The following ANAPC15 variants were observed in gnomAD, a reference collection of about 807,000 sequenced individuals.
The protein encoded by ANAPC15 is anaphase promoting complex subunit 15.
In ANAPC15, 13 loss-of-function variants were observed where a neutral mutation model predicts 19.8. The observed-to-expected ratio is 0.66, with a 90% confidence interval of 0.43 to 1.04. The LOEUF (loss-of-function observed/expected upper bound fraction) is 1.04. ANAPC15 is among the 50% of genes least tolerant of loss of function. The pLI is 0.00. For synonymous variants in ANAPC15, 45 were observed against 50.7 expected (o/e 0.89, Z 0.47); for missense variants, 88 against 150.3 (o/e 0.59, Z 2.17).
In ANAPC15 at chr11:72,112,625, GTTGCAGCC is replaced by G. The variant is rs1449517801; in HGVS notation, c.-96+17_-96+24del. Reference sequence around the variant, plus strand: ...AAAGGAATGAAGGGGCAAGGAGACGGTTGCAGCCTTGCGTCTGTACTTACCGCGCCGGG... The same window carrying G: ...AAAGGAATGAAGGGGCAAGGAGACGGTTGCGTCTGTACTTACCGCGCCGGG... On this transcript the variant is annotated intron_variant, in intron 1 of 5. Transcript: ENST00000227618. 2.2e-6 allele frequency: 1 copy of G among 455,302 alleles called. No homozygotes were observed. The highest frequency in any genetic ancestry group is 4.4e-6 in the Non-Finnish European group (1 of 226,604). 28.2% of individuals were successfully genotyped at this position (455,302 alleles called of 1,614,324 possible).
intron 3 of ANAPC15, 103 bp from the exon 4 acceptor site, chr11:72,110,706 G>A (rs1946587532): frequency 1.6e-6 from 2 of 1,268,394 alleles, no homozygotes; most frequent in Non-Finnish European, 2.2e-6. Context: ...CACGTGTTGG[G>A]GAGAAGCTTC....
At position 72,109,849 on chromosome 11, in the gene ANAPC15, G is replaced by C. The variant is rs1365187184; in HGVS notation, c.*32C>G. 6.2e-7 allele frequency: 1 copy of C among 1,612,126 alleles called. No homozygotes were observed. Among genetic ancestry groups the C allele is most frequent in the Non-Finnish European group, 8.5e-7 (1 of 1,179,706 alleles). ...ATGCAGGGTAGTTTGGGCTGGCCTG[G>C]AATCTCCCTGAGGCCACCCTGCCTT... On this transcript the variant is annotated 3_prime_UTR_variant, in exon 6 of 6. Coordinates refer to ENST00000227618, the MANE Select transcript of ANAPC15 (RefSeq NM_014042.3).
chr11:72,108,766 C>T (rs1334471592), downstream of ANAPC15: 5 of 1,550,298 alleles, frequency 3.2e-6, no homozygotes, highest in African/African-American at 2.7e-5. Flanking sequence ...CAGGTGCCAC[C>T]GTGCTGGCTG....
At chr11:72,110,253 C>T (rs778349482) in intron 4 of ANAPC15, 28 bp from the exon 5 acceptor site, 28 of 1,611,412 alleles carry the variant, frequency 1.7e-5, no homozygotes, top group Non-Finnish European at 2.3e-5. Context: ...GCCTGTAAGC[C>T]CTACAGGCCT....
downstream of ANAPC15, chr11:72,107,430 A>T: frequency 1.4e-6 from 1 of 702,604 alleles, no homozygotes; most frequent in South Asian, 1.5e-5. Flanking sequence ...GCAACATTTG[A>T]ACTGAATCTG....
In ANAPC15 at chr11:72,110,288, C is replaced by A. The variant is rs759367241; in HGVS notation, c.181-63G>T. 4.2e-4 allele frequency: 681 copies of A among 1,605,352 alleles called. 1 individual carries two copies. Among genetic ancestry groups the A allele is most frequent in the Middle Eastern group, 6.6e-4 (4 of 6,050 alleles). On this transcript the variant is annotated intron_variant, in intron 4 of 5. Transcript: ENST00000227618. ...TGCATGGACCAGTTCAAGAACTGACCCACTTGAGCCTCTCTCTAGGGCCAA... is the reference window on the plus strand; with the variant it reads ...TGCATGGACCAGTTCAAGAACTGACACACTTGAGCCTCTCTCTAGGGCCAA...
chr11:72,112,447 G>A (rs1478580465), intron 1 of ANAPC15: 8 of 275,608 alleles, frequency 2.9e-5, no homozygotes, highest in Non-Finnish European at 5.3e-5. Context: ...TGGGTGACAG[G>A]AAGTGACACC....
At position 72,109,880 on chromosome 11, in the gene ANAPC15, C is replaced by T. The variant is rs1189110159; in HGVS notation, c.*1G>A. The T allele has an allele frequency of 6.2e-7, 1 of 1,613,684 alleles. No homozygotes were observed. The highest frequency in any genetic ancestry group is 1.7e-5 in the Admixed American group (1 of 60,028). On this transcript the variant is annotated 3_prime_UTR_variant, in exon 6 of 6. Coordinates refer to ENST00000227618, the MANE Select transcript of ANAPC15 (RefSeq NM_014042.3). ...CCCTGAGGCCACCCTGCCTTGTCTA[C>T]CTAGATCATCCACTGGTCCTGATCC...
At chr11:72,108,161 G>C (rs566064204), downstream of ANAPC15, 9 of 1,449,226 alleles carry the variant, frequency 6.2e-6, no homozygotes, top group Non-Finnish European at 7.3e-6. Context: ...TGTCACCCCA[G>C]GCCTTGCCCC....
chr11:72,107,880 A>G, downstream of ANAPC15: 5 of 1,548,716 alleles, frequency 3.2e-6, no homozygotes, highest in Non-Finnish European at 4.4e-6. Context: ...GGGGCCCTGC[A>G]TCCATCTCCC....
At position 72,110,228 on chromosome 11, in the gene ANAPC15, G is replaced by A. The variant is rs1946349245; in HGVS notation, c.181-3C>T. 3 of 1,613,298 alleles carry A rather than the reference G, an allele frequency of 1.9e-6. No individual in the cohort carries two copies. Among genetic ancestry groups the A allele is most frequent in the Non-Finnish European group, 2.5e-6 (3 of 1,180,006 alleles). On this transcript the variant is annotated splice_polypyrimidine_tract_variant and splice_region_variant and intron_variant, in intron 4 of 5. Coordinates refer to ENST00000227618, the MANE Select transcript of ANAPC15 (RefSeq NM_014042.3). Reference sequence around the variant, plus strand: ...TCTTCTTCCTCGTCATCATAGTGCTGGTGGGCAGGACAGAGCCTGTAAGCC... The same window carrying A: ...TCTTCTTCCTCGTCATCATAGTGCTAGTGGGCAGGACAGAGCCTGTAAGCC...
chr11:72,110,812 T>C (rs1024230325), intron 3 of ANAPC15: 2 of 598,618 alleles, frequency 3.3e-6, no homozygotes, highest in Non-Finnish European at 5.9e-6. Flanking sequence ...CTTTTTTTTG[T>C]ATAATTATGG....
chr11:72,108,187 A>T, downstream of ANAPC15: 1 of 1,362,466 alleles, frequency 7.3e-7, no homozygotes, highest in Non-Finnish European at 9.8e-7. Context: ...ATCCCTTGTG[A>T]AGGACTCCCA....
downstream of ANAPC15, chr11:72,106,386 A>G: frequency 1.5e-6 from 1 of 645,850 alleles, no homozygotes; most frequent in South Asian, 3.4e-5. Context: ...TTCAGCAAAC[A>G]TTTATTGCCA....
At position 72,111,139 on chromosome 11, in the gene ANAPC15, T is replaced by A; in HGVS notation, c.120+18A>T. 6 of 1,372,024 alleles carry A rather than the reference T, an allele frequency of 4.4e-6. No individual in the cohort carries two copies. Among genetic ancestry groups the A allele is most frequent in the Middle Eastern group, 2.1e-4 (1 of 4,862 alleles). 85.0% of individuals were successfully genotyped at this position (1,372,024 alleles called of 1,614,324 possible). ...TGTCTGTGCTGAGGTCTCTGTGCTG[T>A]GCTAGCTGCTCACTCACCCAGGCCT... On this transcript the variant is annotated intron_variant, in intron 3 of 5. Coordinates refer to ENST00000227618, the MANE Select transcript of ANAPC15 (RefSeq NM_014042.3).
intron 3 of ANAPC15, 103 bp downstream of exon 3, chr11:72,111,054 A>G: frequency 1.2e-6 from 1 of 836,272 alleles, no homozygotes. Flanking sequence ...CAGGGCAAAA[A>G]GCTCTTCCTG....
rs749197566 is a variant in ANAPC15 at position 72,110,558 on chromosome 11, T to C, written c.166A>G (p.Lys56Glu). The change falls in exon 4 of 6, where the codon AAG becomes GAG. Residue 56 changes from lysine (K) to glutamate (E), a missense_variant. Lys to Glu is a moderately conservative substitution (Grantham distance 56). Coordinates refer to ENST00000227618, the MANE Select transcript of ANAPC15 (RefSeq NM_014042.3). The part of the protein sequence containing the change: ...EKDNNLVPIG[K>E]PASEHYDDEE... ...GAGCCACTCACCTCTGAGGCTGGCT[T>C]GCCAATAGGAACCAGGTTGTTGTCT... 1.1e-5 allele frequency: 17 copies of C among 1,614,216 alleles called. No individual in the cohort carries two copies. Among genetic ancestry groups the C allele is most frequent in the Non-Finnish European group, 1.4e-5 (16 of 1,180,040 alleles).
downstream of ANAPC15, chr11:72,107,563 G>A: frequency 1.4e-6 from 1 of 702,274 alleles, no homozygotes; most frequent in Non-Finnish European, 2.6e-6. Context: ...TGTTTGGGAT[G>A]GCTGTGATAC....
At position 72,111,156 on chromosome 11, in the gene ANAPC15, C is replaced by G; in HGVS notation, c.120+1G>C. ...CTGTGCTGTGCTAGCTGCTCACTCA[C>G]CCAGGCCTGATGCTGCTGTTCCTGC... On this transcript the variant is annotated splice_donor_variant, in intron 3 of 5. Transcript: ENST00000227618. LOFTEE classifies it high-confidence loss of function. The G allele has an allele frequency of 6.5e-7, 1 of 1,544,014 alleles. No homozygotes were observed. Among genetic ancestry groups the G allele is most frequent in the Non-Finnish European group, 8.8e-7 (1 of 1,134,092 alleles).
Sources: allele counts gnomAD v4.1 joint callset, GRCh38; gene constraint gnomAD v4.1.1; transcripts MANE v1.5; gene names NCBI Gene and HGNC (gene_info 2026-07-23, HGNC 2026-07-21).